Variants in GRIK2 observed in about 807,000 individuals in gnomAD.
GRIK2 encodes glutamate receptor ionotropic, kainate 2.
A neutral mutation model predicts 100.3 loss-of-function variants in GRIK2; 32 were observed. The ratio of observed to expected loss-of-function variants is 0.32; its 90% CI spans 0.24 to 0.43. GRIK2 has a LOEUF of 0.43. GRIK2 is among the 20% of genes least tolerant of loss of function. The pLI is 1.00. For synonymous variants in GRIK2, 417 were observed against 389.4 expected (o/e 1.07, Z -0.83); for missense variants, 843 against 1,114.9 (o/e 0.76, Z 3.47).
intron 10 of GRIK2, among the ~76,000 whole-genome samples, chr6:101,841,165 T>C (rs1327402015): frequency 6.6e-6 from 1 of 152,166 alleles, no homozygotes; most frequent in African/African-American, 2.4e-5. Context: ...CCTCGAGCAA[T>C]AGCATTCCGT....
At chr6:101,456,576 G>C (rs951207010) in intron 2 of GRIK2, among the ~76,000 whole-genome samples, 1 of 151,904 alleles carries the variant, frequency 6.6e-6, no homozygotes, top group African/African-American at 2.4e-5. Flanking sequence ...ATAAGTAAAT[G>C]CTCAAAAAGT....
intron 7 of GRIK2, among the ~76,000 whole-genome samples, chr6:101,755,615 G>A (rs1161099998): frequency 6.6e-6 from 1 of 152,162 alleles, no homozygotes; most frequent in Non-Finnish European, 1.5e-5. Context: ...AGATAAACTA[G>A]TGTGTTATCT....
chr6:102,062,518 G>A (rs943619187), intron 16 of GRIK2, among the ~76,000 whole-genome samples: 1 of 147,156 alleles, frequency 6.8e-6, no homozygotes. Flanking sequence ...GTGATCAGTA[G>A]GATCACGAAA....
At chr6:101,502,093 C>G (rs1167089291) in intron 2 of GRIK2, among the ~76,000 whole-genome samples, 1 of 152,046 alleles carries the variant, frequency 6.6e-6, no homozygotes, top group East Asian at 1.9e-4. Context: ...GTGATAATAA[C>G]TGATACAATA....
chr6:101,731,642 TG>T (rs1188195346), intron 7 of GRIK2, among the ~76,000 whole-genome samples: 1 of 151,998 alleles, frequency 6.6e-6, no homozygotes, highest in African/African-American at 2.4e-5. Context: ...ACATTTTAAA[TG>T]TTTTATTTAA....
chr6:101,612,635 A>G (rs959043732), intron 2 of GRIK2, among the ~76,000 whole-genome samples: 36 of 151,684 alleles, frequency 2.4e-4, no homozygotes, highest in African/African-American at 7.3e-4. Flanking sequence ...TGCAGTTAGG[A>G]CCAGTGAGGA....
intron 14 of GRIK2, among the ~76,000 whole-genome samples, chr6:102,022,075 T>C (rs916089532): frequency 6.6e-6 from 1 of 150,640 alleles, no homozygotes; most frequent in Non-Finnish European, 1.5e-5. Flanking sequence ...TGAAGCATAG[T>C]TCTCTTGGTT....
At chr6:101,684,175 TTAG>T (rs1023413537) in intron 6 of GRIK2, among the ~76,000 whole-genome samples, 2 of 152,128 alleles carry the variant, frequency 1.3e-5, no homozygotes, top group Admixed American at 6.6e-5. Flanking sequence ...TGTAAGAAAC[TTAG>T]TGGTGGGGGT....
intron 14 of GRIK2, among the ~76,000 whole-genome samples, chr6:101,952,574 T>G (rs1791665760): frequency 6.6e-6 from 1 of 152,164 alleles, no homozygotes; most frequent in South Asian, 2.1e-4. Flanking sequence ...CAAGAATTTT[T>G]AGTATATTCA....
chr6:101,648,890 A>C (rs1161289920), intron 4 of GRIK2, among the ~76,000 whole-genome samples: 1 of 152,094 alleles, frequency 6.6e-6, no homozygotes, highest in Non-Finnish European at 1.5e-5. Context: ...TGGAAGATAA[A>C]GGAAAGACAT....
chr6:101,871,459 G>A (rs1351673344), intron 11 of GRIK2, among the ~76,000 whole-genome samples: 1 of 150,936 alleles, frequency 6.6e-6, no homozygotes, highest in Non-Finnish European at 1.5e-5. Context: ...CTGAAGTTTG[G>A]AGTGTGCATG....
At chr6:101,402,901 C>T (rs1046078855) in intron 2 of GRIK2, among the ~76,000 whole-genome samples, 1 of 152,208 alleles carries the variant, frequency 6.6e-6, no homozygotes, top group African/African-American at 2.4e-5. Context: ...AGGCGGGACT[C>T]TTCCGTCCGC....
At chr6:101,782,202 A>G (rs1296170201) in intron 7 of GRIK2, among the ~76,000 whole-genome samples, 1 of 152,202 alleles carries the variant, frequency 6.6e-6, no homozygotes, top group African/African-American at 2.4e-5. Flanking sequence ...TGTGATGGAA[A>G]CATTGCAATC....
At chr6:101,680,119 A>C (rs1029195815) in intron 5 of GRIK2, among the ~76,000 whole-genome samples, 4 of 152,196 alleles carry the variant, frequency 2.6e-5, no homozygotes, top group Admixed American at 2.6e-4. Flanking sequence ...AAGGTCAATG[A>C]AAGCCAGAAA....
chr6:101,854,993 G>A (rs1784350707), intron 10 of GRIK2, among the ~76,000 whole-genome samples: 1 of 152,112 alleles, frequency 6.6e-6, no homozygotes, highest in Non-Finnish European at 1.5e-5. Context: ...TTTAACTTGA[G>A]CCTTAAAGGA....
chr6:101,529,886 A>G (rs545638454), intron 2 of GRIK2, among the ~76,000 whole-genome samples: 2 of 152,234 alleles, frequency 1.3e-5, no homozygotes, highest in South Asian at 4.1e-4. Context: ...CATTTTTATT[A>G]ACAATTGATT....
chr6:101,847,319 G>A (rs1379506350), intron 10 of GRIK2, among the ~76,000 whole-genome samples: 1 of 151,778 alleles, frequency 6.6e-6, no homozygotes, highest in African/African-American at 2.4e-5. Flanking sequence ...GTACTTTCTT[G>A]TTTGTATTTT....
intron 7 of GRIK2, among the ~76,000 whole-genome samples, chr6:101,740,484 T>C (rs1427232005): frequency 6.6e-6 from 1 of 152,210 alleles, no homozygotes; most frequent in Non-Finnish European, 1.5e-5. Context: ...TCTACATTTG[T>C]GTAGTGGTTA....
intron 7 of GRIK2, among the ~76,000 whole-genome samples, chr6:101,798,254 T>G (rs9404147): frequency 0.71 from 107,503 of 151,846 alleles, 40,136 homozygotes; most frequent in East Asian, 1. Context: ...CCCAATTCTG[T>G]TGATGATTTT....
Sources: gnomAD v4.1 joint callset for allele counts (sites outside exome capture counted in the v4.1 genomes callset) on GRCh38, gnomAD v4.1.1 for gene constraint, MANE v1.5 for transcripts, NCBI Gene and HGNC (gene_info 2026-07-23, HGNC 2026-07-21) for gene names.